MAN1C1: variants seen among roughly 807,000 people sequenced by gnomAD.
The protein encoded by MAN1C1 is mannosidase alpha class 1C member 1, also known as mannosyl-oligosaccharide 1,2-alpha-mannosidase IC.
Under a neutral mutation model 71.5 loss-of-function variants are expected in MAN1C1, and 49 were observed. That is an observed-to-expected ratio of 0.69 (90% CI 0.54 to 0.87). MAN1C1 has a LOEUF of 0.87. MAN1C1 is among the 40% of genes least tolerant of loss of function. MAN1C1 has a pLI of 0.00. For synonymous variants in MAN1C1, 352 were observed against 343.7 expected (o/e 1.02, Z -0.27); for missense variants, 743 against 835.0 (o/e 0.89, Z 1.36).
In MAN1C1 at chr1:25,724,933, C is replaced by T. The variant is rs17163162; in HGVS notation, c.638-21735C>T. 8.2e-3 allele frequency among the ~76,000 whole-genome samples: 1,254 copies of T among 152,172 alleles called. 16 individuals carry two copies. Among genetic ancestry groups the T allele is most frequent in the African/African-American group, 0.029 (1,191 of 41,512 alleles). Reference sequence around the variant, plus strand: ...GCTGGAGCTGTAGATCACAGGCAACCGATGAAATTTGCTTAATTATTTGAT... The same window carrying T: ...GCTGGAGCTGTAGATCACAGGCAACTGATGAAATTTGCTTAATTATTTGAT... On this transcript the variant is annotated intron_variant, in intron 2 of 11. Coordinates refer to ENST00000374332, the MANE Select transcript of MAN1C1 (RefSeq NM_020379.4).
chr1:25,740,894 G>A (rs529349837), intron 2 of MAN1C1, among the ~76,000 whole-genome samples: 5 of 152,214 alleles, frequency 3.3e-5, no homozygotes, highest in South Asian at 2.1e-4. Context: ...GCAGTAGCAC[G>A]GAGAAGGTGA....
chr1:25,762,249 C>T (rs900105952), intron 6 of MAN1C1, among the ~76,000 whole-genome samples: 2 of 151,472 alleles, frequency 1.3e-5, no homozygotes, highest in African/African-American at 4.9e-5. Flanking sequence ...ACCTCAGCCT[C>T]CTGAGTAGCT....
chr1:25,763,174 G>A (rs1310588286), intron 6 of MAN1C1, among the ~76,000 whole-genome samples: 1 of 152,044 alleles, frequency 6.6e-6, no homozygotes, highest in African/African-American at 2.4e-5. Context: ...AGGCTGAGAC[G>A]GGAGAACCAC....
At chr1:25,729,508 C>A (rs1018124903) in intron 2 of MAN1C1, among the ~76,000 whole-genome samples, 4 of 149,644 alleles carry the variant, frequency 2.7e-5, no homozygotes, top group African/African-American at 9.9e-5. Flanking sequence ...GTGTCTCGCT[C>A]TGTTGCCCAG....
chr1:25,714,971 A>G (rs183431030), intron 2 of MAN1C1, among the ~76,000 whole-genome samples: 53 of 152,306 alleles, frequency 3.5e-4, no homozygotes, highest in African/African-American at 1.1e-3. Context: ...TTACTAGATC[A>G]CTTGATTGAA....
chr1:25,675,946 C>G (rs1228994827), intron 1 of MAN1C1, among the ~76,000 whole-genome samples: 1 of 152,216 alleles, frequency 6.6e-6, no homozygotes, highest in African/African-American at 2.4e-5. Context: ...AGCAGCCTCT[C>G]AAGCTTCAAT....
intron 8 of MAN1C1, among the ~76,000 whole-genome samples, chr1:25,773,893 T>C (rs921494950): frequency 5.3e-5 from 8 of 152,190 alleles, no homozygotes; most frequent in African/African-American, 1.4e-4. Context: ...GTTCTCAACC[T>C]TGTTGCCATG....
At chr1:25,687,114 C>T (rs148550889) in intron 2 of MAN1C1, among the ~76,000 whole-genome samples, 40 of 152,232 alleles carry the variant, frequency 2.6e-4, no homozygotes, top group Admixed American at 5.2e-4. Context: ...CATTTCAAAA[C>T]GACAACAGCA....
At chr1:25,675,947 A>G (rs2046061028) in intron 1 of MAN1C1, among the ~76,000 whole-genome samples, 1 of 152,192 alleles carries the variant, frequency 6.6e-6, no homozygotes, top group African/African-American at 2.4e-5. Context: ...GCAGCCTCTC[A>G]AGCTTCAATG....
intron 1 of MAN1C1, among the ~76,000 whole-genome samples, chr1:25,677,318 A>C (rs562866962): frequency 6.6e-6 from 1 of 152,008 alleles, no homozygotes; most frequent in Non-Finnish European, 1.5e-5. Flanking sequence ...TTTGTGGTCT[A>C]TTGTTAGGTG....
intron 10 of MAN1C1, among the ~76,000 whole-genome samples, chr1:25,781,493 C>T (rs1456588745): frequency 1.3e-5 from 2 of 152,180 alleles, no homozygotes; most frequent in Non-Finnish European, 2.9e-5. Flanking sequence ...TCACCTCCAC[C>T]TCCCTCCTCT....
rs3767884 is a variant in MAN1C1, at chr1:25,689,881, C to T, written c.637+3345C>T. On this transcript the variant is annotated intron_variant, in intron 2 of 11. Transcript: ENST00000374332. ...TGCTCGGCTTGGACACTGGCTCTTA[C>T]GGCCTCGTCCCTGGCCTGCAGGGCT... Among the ~76,000 whole-genome samples, 324 of 152,302 alleles carry T rather than the reference C, an allele frequency of 2.1e-3. 10 individuals carry two copies. In the East Asian group the frequency reaches 0.057, roughly 27 times the overall value.
chr1:25,707,877 C>T (rs1202048624), intron 2 of MAN1C1, among the ~76,000 whole-genome samples: 2 of 152,146 alleles, frequency 1.3e-5, no homozygotes, highest in Non-Finnish European at 2.9e-5. Flanking sequence ...TGAGGAACTG[C>T]CTGGGGCAAG....
chr1:25,642,668 A>G (rs1484838083), intron 1 of MAN1C1, among the ~76,000 whole-genome samples: 1 of 152,276 alleles, frequency 6.6e-6, no homozygotes, highest in Non-Finnish European at 1.5e-5. Flanking sequence ...CTAATACAGC[A>G]TAGAAAACAC....
Position 25,617,571 on chromosome 1 carries a change from G to T in MAN1C1, c.-227G>T, listed in dbSNP as rs2045120098. ...GGCCCCAAGCCGTGCCGCTCCGCTCGCCCGGGCCCCGCCGAGGCCGCTGCG... is the reference window on the plus strand; with the variant it reads ...GGCCCCAAGCCGTGCCGCTCCGCTCTCCCGGGCCCCGCCGAGGCCGCTGCG... On this transcript the variant is annotated 5_prime_UTR_variant, in exon 1 of 12. Coordinates refer to ENST00000374332, the MANE Select transcript of MAN1C1 (RefSeq NM_020379.4). This position sits in a 1 kb window ranked among gnomAD's most constrained non-coding sequence, Gnocchi z 5.1. The T allele has an allele frequency of 1.6e-5, 6 of 371,766 alleles. 1 individual carries two copies. Among genetic ancestry groups the T allele is most frequent in the Admixed American group, 1.1e-4 (2 of 18,906 alleles). 23.0% of individuals were successfully genotyped at this position (371,766 alleles called of 1,614,324 possible).
At chr1:25,771,903 G>A in intron 8 of MAN1C1, 131 bp downstream of exon 8, 1 of 676,996 alleles carries the variant, frequency 1.5e-6, no homozygotes, top group South Asian at 1.7e-5. Flanking sequence ...CAATGAACCG[G>A]TGAGAAGATT....
intron 1 of MAN1C1, among the ~76,000 whole-genome samples, chr1:25,643,754 G>A (rs772361564): frequency 2.0e-5 from 3 of 151,756 alleles, no homozygotes; most frequent in South Asian, 2.1e-4. Context: ...TGATCCACCC[G>A]CCTCTGCCTC....
At chr1:25,714,283 G>T (rs544722851) in intron 2 of MAN1C1, among the ~76,000 whole-genome samples, 103 of 152,224 alleles carry the variant, frequency 6.8e-4, no homozygotes, top group African/African-American at 2.4e-3. Flanking sequence ...GAGGAGAGGG[G>T]TTTGAAGCAC....
At chr1:25,736,660 G>A (rs2046986977) in intron 2 of MAN1C1, among the ~76,000 whole-genome samples, 1 of 152,134 alleles carries the variant, frequency 6.6e-6, no homozygotes, top group South Asian at 2.1e-4. Context: ...CCAAGTAGCT[G>A]GGGCCACAGG....
Sources: allele counts gnomAD v4.1 joint callset (sites outside exome capture counted in the v4.1 genomes callset), GRCh38; gene constraint gnomAD v4.1.1; non-coding constraint Gnocchi (gnomAD v3.1); transcripts MANE v1.5; gene names NCBI Gene and HGNC (gene_info 2026-07-23, HGNC 2026-07-21).